SCAI: variants seen among roughly 807,000 people sequenced by gnomAD.
SCAI encodes the protein protein SCAI.
Under a neutral mutation model 92.2 loss-of-function variants are expected in SCAI, and 24 were observed. That is an observed-to-expected ratio of 0.26 (90% CI 0.19 to 0.37). The LOEUF (loss-of-function observed/expected upper bound fraction) is 0.37. Ranked by LOEUF, SCAI falls within the 10% of genes least tolerant of loss-of-function variation. The probability of loss-of-function intolerance (pLI) is 1.00; values close to 1 mark genes in which losing one functional copy is unlikely to be tolerated. For synonymous variants in SCAI, 261 were observed against 258.6 expected, an observed-to-expected ratio of 1.01 and a Z score of -0.09; for missense variants, 450 against 736.2, an observed-to-expected ratio of 0.61 and a Z score of 4.50.
chr9:125,122,174 C>T (rs1835168231), intron 2 of SCAI, among the ~76,000 whole-genome samples: 1 of 152,222 alleles, frequency 6.6e-6, no homozygotes. Context: ...TGTGATTACA[C>T]TAGGATTTCT....
intron 2 of SCAI, among the ~76,000 whole-genome samples, chr9:125,080,599 T>C (rs928065992): frequency 1.3e-5 from 2 of 152,238 alleles, no homozygotes; most frequent in South Asian, 4.1e-4. Flanking sequence ...ACTAGCTATT[T>C]TACTTTGGGC....
chr9:125,046,376 T>A (rs1365112705), intron 3 of SCAI, among the ~76,000 whole-genome samples: 3 of 122,474 alleles, frequency 2.4e-5, no homozygotes, highest in Non-Finnish European at 3.4e-5. Context: ...AGATAGGCCA[T>A]AAAAGGAATG....
intron 9 of SCAI, among the ~76,000 whole-genome samples, chr9:125,005,086 C>G (rs1439908032): frequency 6.6e-6 from 1 of 151,734 alleles, no homozygotes; most frequent in Non-Finnish European, 1.5e-5. Context: ...CCGCGCCCAG[C>G]CTATGATCCA....
At chr9:125,043,272 T>A (rs1437713935) in intron 3 of SCAI, among the ~76,000 whole-genome samples, 1 of 152,210 alleles carries the variant, frequency 6.6e-6, no homozygotes, top group Non-Finnish European at 1.5e-5. Context: ...AAGAGCACAC[T>A]GTCCGACTCA....
chr9:125,141,293 C>T (rs1197988132), intron 2 of SCAI, among the ~76,000 whole-genome samples: 1 of 152,220 alleles, frequency 6.6e-6, no homozygotes, highest in Non-Finnish European at 1.5e-5. Flanking sequence ...CTTCCACCAT[C>T]AGCATTTCGT....
At chr9:124,955,548 G>A (rs1047456181) in intron 17 of SCAI, among the ~76,000 whole-genome samples, 7 of 152,068 alleles carry the variant, frequency 4.6e-5, no homozygotes, top group African/African-American at 1.7e-4. Flanking sequence ...TTGAACCCGG[G>A]AGGCAGAGGT....
At chr9:125,115,330 C>T (rs2131239221) in intron 2 of SCAI, among the ~76,000 whole-genome samples, 1 of 143,662 alleles carries the variant, frequency 7.0e-6, no homozygotes, top group South Asian at 2.3e-4. Flanking sequence ...CCAGATCGCG[C>T]CATTGCACTC....
chr9:124,964,082 T>G (rs1356285392), intron 17 of SCAI, among the ~76,000 whole-genome samples: 4 of 152,214 alleles, frequency 2.6e-5, no homozygotes, highest in Admixed American at 2.6e-4. Flanking sequence ...TTCCACTATT[T>G]GCTTTCATTT....
At chr9:125,072,078 C>A (rs887620751) in intron 2 of SCAI, among the ~76,000 whole-genome samples, 1 of 150,362 alleles carries the variant, frequency 6.7e-6, no homozygotes, top group Admixed American at 6.7e-5. Flanking sequence ...GGCTGGAGTG[C>A]AGTGGTGCAA....
At chr9:125,058,579 GGT>G (rs1426923061) in intron 2 of SCAI, among the ~76,000 whole-genome samples, 2 of 152,118 alleles carry the variant, frequency 1.3e-5, no homozygotes, top group African/African-American at 2.4e-5. Context: ...ATACATGCAT[GGT>G]GTGTGTGTCT....
chr9:125,075,856 C>T (rs892600483), intron 2 of SCAI, among the ~76,000 whole-genome samples: 6 of 152,038 alleles, frequency 3.9e-5, no homozygotes, highest in Non-Finnish European at 7.4e-5. Flanking sequence ...TGAGCCACCA[C>T]GCCTGGCCTT....
In SCAI at chr9:125,003,203, T is replaced by G; in HGVS notation, c.976A>C (p.Lys326Gln). ...TGGGGGTTTTCTCGTCTAGTAGGCTTGTCAGCTGATTCCTATATTTACACA... is the reference window on the plus strand; with the variant it reads ...TGGGGGTTTTCTCGTCTAGTAGGCTGGTCAGCTGATTCCTATATTTACACA... ...NKPGMQESAD[K>Q]PTRRENPHKY... is the part of the protein sequence containing the mutation. Residue 326 changes from lysine to glutamine, a missense_variant, in exon 11 of 18, where the codon AAG becomes CAG. By Grantham distance (53) the Lys-to-Gln change is moderately conservative. Coordinates refer to ENST00000336505, the MANE Select transcript of SCAI (RefSeq NM_001144877.3). 6.2e-7 allele frequency: 1 copy of G among 1,612,548 alleles called. No individual in the cohort carries two copies. Among genetic ancestry groups the G allele is most frequent in the African/African-American group, 1.3e-5 (1 of 75,002 alleles).
intron 2 of SCAI, among the ~76,000 whole-genome samples, chr9:125,108,940 T>G (rs554606980): frequency 1.3e-5 from 2 of 152,354 alleles, no homozygotes; most frequent in African/African-American, 4.8e-5. Context: ...GGGGAAAAGA[T>G]AGAGAAATCA....
At chr9:124,967,429 C>T (rs1267309911) in intron 17 of SCAI, among the ~76,000 whole-genome samples, 1 of 152,186 alleles carries the variant, frequency 6.6e-6, no homozygotes, top group Non-Finnish European at 1.5e-5. Context: ...TACTTTGTGG[C>T]TGAACTACGT....
chr9:124,987,709 C>T (rs977700619), intron 14 of SCAI, among the ~76,000 whole-genome samples: 2 of 152,144 alleles, frequency 1.3e-5, no homozygotes, highest in Admixed American at 6.5e-5. Flanking sequence ...CACCTGTAAT[C>T]CCAACACTTT....
intron 17 of SCAI, among the ~76,000 whole-genome samples, chr9:124,956,150 C>G (rs927705378): frequency 1.3e-5 from 2 of 152,006 alleles, no homozygotes; most frequent in African/African-American, 2.4e-5. Flanking sequence ...GCAAATTCAA[C>G]CCAGCAATGC....
Position 124,947,068 on chromosome 9 carries a change from G to A in SCAI, c.*5739C>T, listed in dbSNP as rs1438339337. The A allele has an allele frequency of 6.6e-6, 1 of 152,004 alleles. No homozygotes were observed. Among genetic ancestry groups the A allele is most frequent in the Admixed American group, 6.6e-5 (1 of 15,252 alleles). The allele number at this position is 152,004 out of a possible 1,614,324, so 9.4% of individuals were successfully genotyped here. On this transcript the variant is annotated 3_prime_UTR_variant, in exon 18 of 18. Transcript: ENST00000336505. ...GCCTCATAGAGACACATAAAACACT[G>A]ATGAAAAAAGAATTGTTCCAAAATC... is the stretch of plus-strand genomic sequence containing the variant.
rs531700104 is a variant in SCAI at position 125,091,854 on chromosome 9, G to C, written c.99-35847C>G. On this transcript the variant is annotated intron_variant, in intron 2 of 17. Coordinates refer to ENST00000336505, the MANE Select transcript of SCAI (RefSeq NM_001144877.3). The surrounding 1 kb of genome is among the most constrained non-coding windows in gnomAD (Gnocchi z 4.3). Reference sequence around the variant, plus strand: ...GGGCCGGGCACAGTGGCTCACGCCTGTAATCCCAGCACTGCGGGAGGCCGA... The same window carrying C: ...GGGCCGGGCACAGTGGCTCACGCCTCTAATCCCAGCACTGCGGGAGGCCGA... Among the ~76,000 whole-genome samples, 2 of 152,328 alleles carry C rather than the reference G, an allele frequency of 1.3e-5. No individual in the cohort carries two copies. The highest frequency in any genetic ancestry group is 3.9e-4 in the East Asian group (2 of 5,180).
chr9:125,138,753 T>C (rs1835601377), intron 2 of SCAI, among the ~76,000 whole-genome samples: 1 of 152,126 alleles, frequency 6.6e-6, no homozygotes, highest in African/African-American at 2.4e-5. Flanking sequence ...TTCTCCATGT[T>C]GGTCAGGCTG....
Sources: gnomAD v4.1 joint callset for allele counts (sites outside exome capture counted in the v4.1 genomes callset) on GRCh38, gnomAD v4.1.1 for gene constraint, Gnocchi (gnomAD v3.1) non-coding constraint, MANE v1.5 for transcripts, NCBI Gene and HGNC (gene_info 2026-07-23, HGNC 2026-07-21) for gene names.